Variants in GALNT13 observed in about 807,000 individuals in gnomAD.
GALNT13 encodes UDP-GalNAc:polypeptide N-acetylgalactosaminyltransferase 13.
Under a neutral mutation model 64.2 loss-of-function variants are expected in GALNT13, and 28 were observed. That is an observed-to-expected ratio of 0.44 (90% CI 0.32 to 0.60). GALNT13 has a LOEUF of 0.60. GALNT13 is among the 20% of genes least tolerant of loss of function. The pLI is 0.05. For missense variants in GALNT13, 577 were observed against 669.8 expected, an observed-to-expected ratio of 0.86 and a Z score of 1.53; for synonymous variants, 214 against 224.6, an observed-to-expected ratio of 0.95 and a Z score of 0.42.
the GALNT13 span, among the ~76,000 whole-genome samples, chr2:153,190,141 T>A: frequency 2.0e-5 from 3 of 152,184 alleles, no homozygotes; most frequent in Admixed American, 6.5e-5. Flanking sequence ...GCTTGTGCTT[T>A]TGGGATCTTA....
chr2:153,832,651 T>C, the GALNT13 span, among the ~76,000 whole-genome samples: 3 of 152,162 alleles, frequency 2.0e-5, no homozygotes, highest in African/African-American at 7.2e-5. Flanking sequence ...AGTAATTAAA[T>C]TAAAGCTGCA....
At chr2:154,153,409 C>G (rs1684186893) in intron 4 of GALNT13, among the ~76,000 whole-genome samples, 1 of 152,190 alleles carries the variant, frequency 6.6e-6, no homozygotes, top group Non-Finnish European at 1.5e-5. Context: ...GGCAGTCTGC[C>G]CATTCTCAGA....
At chr2:153,558,436 G>A in the GALNT13 span, among the ~76,000 whole-genome samples, 1 of 152,134 alleles carries the variant, frequency 6.6e-6, no homozygotes. Flanking sequence ...CTTTGAAATA[G>A]CCCCTCCAGC....
At chr2:154,153,607 T>C (rs888471633) in intron 4 of GALNT13, among the ~76,000 whole-genome samples, 15 of 152,214 alleles carry the variant, frequency 9.9e-5, no homozygotes, top group African/African-American at 3.4e-4. Context: ...CCTGGCTGCT[T>C]TGTTTACCTA....
chr2:153,535,181 T>C, the GALNT13 span, among the ~76,000 whole-genome samples: 1 of 152,026 alleles, frequency 6.6e-6, no homozygotes, highest in Non-Finnish European at 1.5e-5. Flanking sequence ...ACATTTGCCG[T>C]ATAGAATGAT....
the GALNT13 span, among the ~76,000 whole-genome samples, chr2:153,479,660 G>A: frequency 0.22 from 33,043 of 152,128 alleles, 3,767 homozygotes; most frequent in Non-Finnish European, 0.25. Flanking sequence ...AGTTGTTGAA[G>A]GGAATTGCTC....
chr2:153,771,934 C>T, the GALNT13 span, among the ~76,000 whole-genome samples: 1 of 152,110 alleles, frequency 6.6e-6, no homozygotes, highest in Non-Finnish European at 1.5e-5. Flanking sequence ...GGCACTCTAC[C>T]CTGGTTGACC....
chr2:154,223,948 TG>T (rs1437333742), intron 4 of GALNT13, among the ~76,000 whole-genome samples: 2 of 152,248 alleles, frequency 1.3e-5, no homozygotes, highest in East Asian at 3.9e-4. Flanking sequence ...GAGATTACTT[TG>T]ACTTCAGTTA....
chr2:153,807,189 C>T, the GALNT13 span, among the ~76,000 whole-genome samples: 1 of 151,902 alleles, frequency 6.6e-6, no homozygotes, highest in Admixed American at 6.6e-5. Flanking sequence ...TTATGACATA[C>T]TCATGTATAT....
chr2:153,726,957 CA>C, the GALNT13 span, among the ~76,000 whole-genome samples: 11 of 131,116 alleles, frequency 8.4e-5, no homozygotes, highest in South Asian at 2.6e-4. Context: ...AAAAAAAAAA[CA>C]AAAAAAAAAC....
At chr2:153,424,347 T>A in the GALNT13 span, among the ~76,000 whole-genome samples, 1 of 151,568 alleles carries the variant, frequency 6.6e-6, no homozygotes, top group East Asian at 1.9e-4. Context: ...CTGAAAAGGA[T>A]GAAAAATCAA....
the GALNT13 span, among the ~76,000 whole-genome samples, chr2:153,226,689 A>G: frequency 6.6e-6 from 1 of 152,226 alleles, no homozygotes; most frequent in African/African-American, 2.4e-5. Flanking sequence ...AGAAACTGTT[A>G]TAGTCAGGAG....
intron 12 of GALNT13, among the ~76,000 whole-genome samples, chr2:154,447,219 A>C (rs1701634701): frequency 6.6e-6 from 1 of 151,976 alleles, no homozygotes; most frequent in Non-Finnish European, 1.5e-5. Flanking sequence ...GGTTAAATGC[A>C]AATATGGCAT....
the GALNT13 span, among the ~76,000 whole-genome samples, chr2:153,783,803 GA>G: frequency 6.6e-6 from 1 of 152,146 alleles, no homozygotes; most frequent in South Asian, 2.1e-4. Context: ...GCCACTATGT[GA>G]AGAAGGATGT....
the GALNT13 span, among the ~76,000 whole-genome samples, chr2:153,442,804 C>T: frequency 1.3e-5 from 2 of 152,190 alleles, no homozygotes; most frequent in Non-Finnish European, 2.9e-5. Context: ...CTGCAGAGGG[C>T]TCCTCCCAGT....
At chr2:153,780,881 G>C in the GALNT13 span, among the ~76,000 whole-genome samples, 1 of 152,114 alleles carries the variant, frequency 6.6e-6, no homozygotes, top group South Asian at 2.1e-4. Context: ...CATGATTCCT[G>C]TCTCCTCAGG....
At chr2:153,175,751 T>A in the GALNT13 span, among the ~76,000 whole-genome samples, 16 of 151,590 alleles carry the variant, frequency 1.1e-4, no homozygotes, top group Non-Finnish European at 5.9e-5. Flanking sequence ...TAAGGGAGAG[T>A]TGTAGGAGCA....
At chr2:154,290,165 C>T (rs905359022) in intron 8 of GALNT13, among the ~76,000 whole-genome samples, 1 of 152,102 alleles carries the variant, frequency 6.6e-6, no homozygotes, top group South Asian at 2.1e-4. Flanking sequence ...GCAGGGAGAG[C>T]CCACTCTCCC....
rs141161279 is a variant in GALNT13, at chr2:154,250,601, C to T, written c.857+4619C>T. On this transcript the variant is annotated intron_variant, in intron 7 of 12. Coordinates refer to ENST00000392825, the MANE Select transcript of GALNT13 (RefSeq NM_052917.4). The stretch of plus-strand genomic sequence containing the variant: ...GACACCTTCTGCCAATTTAATTCCT[C>T]CCCAAAAATATTATCACTGAATCAA... Among the ~76,000 whole-genome samples, 398 of 152,074 alleles carry T rather than the reference C, an allele frequency of 2.6e-3. 5 individuals are homozygous for T. The highest frequency in any genetic ancestry group is 4.4e-3 in the Non-Finnish European group (301 of 67,908).
Sources: gnomAD v4.1 joint callset for allele counts (sites outside exome capture counted in the v4.1 genomes callset) on GRCh38, gnomAD v4.1.1 for gene constraint, MANE v1.5 for transcripts, NCBI Gene and HGNC (gene_info 2026-07-23, HGNC 2026-07-21) for gene names.